Variants in NEK5 observed in about 807,000 individuals in gnomAD.
The protein encoded by NEK5 is NIMA related kinase 5.
In NEK5, 88 loss-of-function variants were observed where a neutral mutation model predicts 109.2. The observed-to-expected ratio is 0.81, with a 90% CI of 0.68 to 0.96. The LOEUF is 0.96. Ranked by LOEUF, NEK5 falls within the 40% of genes least tolerant of loss-of-function variation. The probability of loss-of-function intolerance (pLI) is 0.00; values close to 1 mark genes in which losing one functional copy is unlikely to be tolerated. For missense variants in NEK5, 834 were observed against 920.7 expected, an observed-to-expected ratio of 0.91 and a Z score of 1.22; for synonymous variants, 283 against 299.9, an observed-to-expected ratio of 0.94 and a Z score of 0.58.
chr13:52,097,918 GA>G (rs1955450696), intron 12 of NEK5, among the ~76,000 whole-genome samples: 12 of 152,104 alleles, frequency 7.9e-5, no homozygotes, highest in Non-Finnish European at 2.9e-5. Context: ...AGATTATGGG[GA>G]CAGATTTCCC....
At chr13:52,053,299 A>C (rs928084600) in intron 22 of NEK5, among the ~76,000 whole-genome samples, 1 of 152,202 alleles carries the variant, frequency 6.6e-6, no homozygotes, top group Non-Finnish European at 1.5e-5. Context: ...AAAATAAATA[A>C]ATAAATAAAA....
intron 4 of NEK5, among the ~76,000 whole-genome samples, chr13:52,113,212 C>T (rs1955789393): frequency 6.6e-6 from 1 of 152,078 alleles, no homozygotes; most frequent in Non-Finnish European, 1.5e-5. Flanking sequence ...AGACTATCCA[C>T]AAATCCTTGC....
intron 4 of NEK5, among the ~76,000 whole-genome samples, chr13:52,115,264 G>A (rs961458894): frequency 2.0e-5 from 3 of 150,586 alleles, no homozygotes; most frequent in African/African-American, 7.3e-5. Flanking sequence ...GCCTCCCAAA[G>A]TTCTGGGATT....
intron 23 of NEK5, among the ~76,000 whole-genome samples, chr13:52,049,498 T>C (rs934815419): frequency 2.0e-5 from 3 of 151,954 alleles, no homozygotes; most frequent in African/African-American, 7.3e-5. Flanking sequence ...ATTTAATCAA[T>C]AAATAAAATG....
At chr13:52,041,822 T>C (rs1401472868) in intron 23 of NEK5, among the ~76,000 whole-genome samples, 1 of 150,858 alleles carries the variant, frequency 6.6e-6, no homozygotes, top group Non-Finnish European at 1.5e-5. Flanking sequence ...CTGGAGATAA[T>C]TGAGAAGATA....
intron 11 of NEK5, 24 bp from the exon 12 acceptor site, chr13:52,099,900 C>A: frequency 6.3e-7 from 1 of 1,597,400 alleles, no homozygotes; most frequent in Non-Finnish European, 8.6e-7. Flanking sequence ...AATAAAACAG[C>A]TTCAATTTTT....
intron 21 of NEK5, among the ~76,000 whole-genome samples, chr13:52,064,292 GC>G (rs1954648921): frequency 7.4e-6 from 1 of 134,766 alleles, no homozygotes; most frequent in Admixed American, 7.2e-5. Flanking sequence ...CTGCCCGGCC[GC>G]CCCTACTGGG....
chr13:52,075,866 A>C, intron 18 of NEK5, 40 bp from the exon 19 acceptor site: 1 of 1,356,826 alleles, frequency 7.4e-7, no homozygotes, highest in Non-Finnish European at 1.0e-6. Flanking sequence ...TTAGCAATTC[A>C]GTAAAAGCCT....
chr13:52,039,516 T>C lies in NEK5; in HGVS notation c.2229-2298A>G, dbSNP rs192030330. Among the ~76,000 whole-genome samples, 34 of 152,344 alleles carry C rather than the reference T, an allele frequency of 2.2e-4. No homozygotes were observed. In the East Asian group the frequency reaches 5.6e-3, roughly 25 times the overall value. ...TATTTTCGTTGTTGCTGCTTGATAA[T>C]TGTTTTATTTCCCAGATATGATGAT... On this transcript the variant is annotated intron_variant, in intron 23 of 23. Coordinates refer to ENST00000684899, the MANE Select transcript of NEK5 (RefSeq NM_001365552.1).
rs145552435 is a variant in NEK5, at chr13:52,065,466, C to A, written c.1975+18G>T. Reference sequence around the variant, plus strand: ...TTGGTCTTCCCTTCCTGACGACTGACGCTAAGCACAGACTCACTGTCAGGC... The same window carrying A: ...TTGGTCTTCCCTTCCTGACGACTGAAGCTAAGCACAGACTCACTGTCAGGC... On this transcript the variant is annotated intron_variant, in intron 21 of 23. Coordinates refer to ENST00000684899, the MANE Select transcript of NEK5 (RefSeq NM_001365552.1). 2.5e-6 allele frequency: 4 copies of A among 1,614,046 alleles called. No individual in the cohort carries two copies. In the East Asian group the frequency reaches 8.9e-5, roughly 36 times the overall value.
chr13:52,127,653 C>T lies in NEK5; in HGVS notation c.-81G>A, dbSNP rs1283000105. 3.6e-6 allele frequency: 2 copies of T among 554,184 alleles called. No homozygotes were observed. The highest frequency in any genetic ancestry group is 6.4e-6 in the Non-Finnish European group (2 of 312,320). The allele number at this position is 554,184 out of a possible 1,614,324, so 34.3% of individuals were successfully genotyped here. On this transcript the variant is annotated 5_prime_UTR_variant, in exon 2 of 24. Coordinates refer to ENST00000684899, the MANE Select transcript of NEK5 (RefSeq NM_001365552.1). ...CAGAGACAAATAACTTTCTTTGTGG[C>T]CACAGATAACTGAAATGAGACAGAG... is the stretch of plus-strand genomic sequence containing the variant.
In NEK5 at chr13:52,093,118, G is replaced by A; in HGVS notation, c.1144C>T (p.Gln382Ter). The A allele has an allele frequency of 6.2e-7, 1 of 1,613,478 alleles. No individual in the cohort carries two copies. The highest frequency in any genetic ancestry group is 1.7e-4 in the Middle Eastern group (1 of 6,058). Residue 382 changes from glutamine (Q) to a stop codon, truncating the protein, a stop_gained, in exon 13 of 24, where the codon CAA (glutamine) becomes TAA (stop). Transcript: ENST00000684899. LOFTEE classifies it high-confidence loss of function. ...AHKPSYHPIP[Q>*]ENTGVEDYGQ... ...TAATCCTCAACTCCAGTATTTTCTT[G>A]AGGAATAGGGTGATAACTTGGTTTG...
At chr13:52,123,332 C>T (rs910205962) in intron 3 of NEK5, among the ~76,000 whole-genome samples, 2 of 152,046 alleles carry the variant, frequency 1.3e-5, no homozygotes, top group African/African-American at 4.8e-5. Context: ...AAGAGTAGTT[C>T]ATGAGTAAAG....
At chr13:52,104,264 A>G (rs142995948) in intron 9 of NEK5, among the ~76,000 whole-genome samples, 204 of 152,312 alleles carry the variant, frequency 1.3e-3, no homozygotes, top group African/African-American at 4.7e-3. Flanking sequence ...CGCCAAGCCC[A>G]CACAATTTAT....
chr13:52,064,049 T>TGG (rs1192073633), intron 21 of NEK5, among the ~76,000 whole-genome samples: 12 of 90,922 alleles, frequency 1.3e-4, no homozygotes, highest in African/African-American at 5.5e-4. Context: ...GGGAGGGAGG[T>TGG]GGGGGGGTCA....
intron 19 of NEK5, among the ~76,000 whole-genome samples, chr13:52,073,793 C>T (rs181811987): frequency 1.4e-4 from 22 of 152,110 alleles, no homozygotes; most frequent in Admixed American, 1.0e-3. Context: ...GATACAATAT[C>T]GAAGTACAAT....
At chr13:52,111,531 G>C (rs1308612732) in intron 5 of NEK5, among the ~76,000 whole-genome samples, 1 of 152,114 alleles carries the variant, frequency 6.6e-6, no homozygotes, top group African/African-American at 2.4e-5. Flanking sequence ...ACTTTAAGAG[G>C]AAATTATATG....
chr13:52,087,089 A>G (rs1955161500), intron 15 of NEK5, among the ~76,000 whole-genome samples: 2 of 152,238 alleles, frequency 1.3e-5, no homozygotes, highest in Admixed American at 1.3e-4. Context: ...CAGGAAACTA[A>G]TACAAATCCC....
intron 23 of NEK5, among the ~76,000 whole-genome samples, chr13:52,037,767 C>CTCTACT (rs1212360856): frequency 6.6e-6 from 1 of 151,998 alleles, no homozygotes; most frequent in African/African-American, 2.4e-5. Context: ...ACTAAAAATA[C>CTCTACT]AAAAAATTAG....
Sources: allele counts gnomAD v4.1 joint callset (sites outside exome capture counted in the v4.1 genomes callset), GRCh38; gene constraint gnomAD v4.1.1; transcripts MANE v1.5; gene names NCBI Gene and HGNC (gene_info 2026-07-23, HGNC 2026-07-21).